ANK3: variants seen among roughly 807,000 people sequenced by gnomAD.
ANK3 encodes ankyrin 3, also known as ankyrin-3.
Under a neutral mutation model 370.9 loss-of-function variants are expected in ANK3, and 57 were observed. That is an observed-to-expected ratio of 0.15 (90% CI 0.12 to 0.19). ANK3 has a LOEUF of 0.19. ANK3 is among the 10% of genes least tolerant of loss of function. ANK3 has a pLI of 1.00. For missense variants in ANK3, 4,439 were observed against 5,302.1 expected, an observed-to-expected ratio of 0.84 and a Z score of 5.06; for synonymous variants, 1,929 against 1,946.3, an observed-to-expected ratio of 0.99 and a Z score of 0.23.
intron 26 of ANK3, among the ~76,000 whole-genome samples, chr10:60,111,945 G>A (rs1407244783): frequency 6.6e-6 from 1 of 152,188 alleles, no homozygotes; most frequent in Admixed American, 6.5e-5. Flanking sequence ...TGCATAAACT[G>A]CAAGGACCTG....
intron 5 of ANK3, among the ~76,000 whole-genome samples, chr10:60,264,475 G>A (rs185199494): frequency 2.5e-4 from 38 of 151,886 alleles, no homozygotes; most frequent in African/African-American, 8.7e-4. Flanking sequence ...GTGAAACCCC[G>A]TCTCTACTAA....
intron 2 of ANK3, among the ~76,000 whole-genome samples, chr10:60,568,966 C>T (rs931423689): frequency 6.6e-6 from 1 of 152,100 alleles, no homozygotes; most frequent in Non-Finnish European, 1.5e-5. Context: ...CTAGGACTAA[C>T]CATGCTGACA....
At chr10:60,479,227 A>G (rs1294306630) in intron 2 of ANK3, among the ~76,000 whole-genome samples, 1 of 152,186 alleles carries the variant, frequency 6.6e-6, no homozygotes, top group Admixed American at 6.5e-5. Context: ...TAAACCACAT[A>G]TATGATGGTG....
intron 42 of ANK3, among the ~76,000 whole-genome samples, chr10:60,046,539 CATACAAGTATGTA>C (rs1306966953): frequency 8.6e-5 from 13 of 152,016 alleles, no homozygotes; most frequent in Non-Finnish European, 1.9e-4. Flanking sequence ...ATAGTGAATA[CATACAAGTATGTA>C]TTCATTGACT....
chr10:60,250,635 G>A (rs558584250), intron 7 of ANK3, among the ~76,000 whole-genome samples: 1 of 152,096 alleles, frequency 6.6e-6, no homozygotes, highest in African/African-American at 2.4e-5. Flanking sequence ...AAAGTTCTGG[G>A]ATTACGGGCA....
chr10:60,045,446 C>T (rs1017868282), intron 42 of ANK3, among the ~76,000 whole-genome samples: 13 of 152,130 alleles, frequency 8.5e-5, no homozygotes, highest in South Asian at 6.2e-4. Context: ...TTGTATAACA[C>T]GACAAACTAC....
intron 2 of ANK3, among the ~76,000 whole-genome samples, chr10:60,558,024 T>C (rs1001645740): frequency 6.6e-6 from 1 of 152,118 alleles, no homozygotes; most frequent in Non-Finnish European, 1.5e-5. Context: ...ATGGTAGAGA[T>C]GTTGAATGGA....
chr10:60,508,078 C>T (rs2133157040), intron 2 of ANK3: 1 of 152,176 alleles, frequency 6.6e-6, no homozygotes, highest in East Asian at 1.9e-4. Context: ...GAATGTTTTA[C>T]TTTGGGTGGG....
At chr10:60,350,985 C>T (rs1214643476) in intron 1 of ANK3, among the ~76,000 whole-genome samples, 4 of 151,994 alleles carry the variant, frequency 2.6e-5, no homozygotes, top group Non-Finnish European at 5.9e-5. Flanking sequence ...TCTCCTAAGC[C>T]GACTTTTATA....
intron 2 of ANK3, among the ~76,000 whole-genome samples, chr10:60,468,893 T>A (rs1459129776): frequency 6.7e-6 from 1 of 148,950 alleles, no homozygotes; most frequent in African/African-American, 2.5e-5. Context: ...TTCTTTGCGG[T>A]CATATACAAA....
chr10:60,117,679 G>A (rs763657184), intron 25 of ANK3, among the ~76,000 whole-genome samples: 19 of 152,058 alleles, frequency 1.2e-4, no homozygotes, highest in Non-Finnish European at 2.1e-4. Flanking sequence ...TTAGCTGGGC[G>A]TGGTGGCACG....
chr10:60,262,409 G>T (rs571573512), intron 6 of ANK3, among the ~76,000 whole-genome samples: 1 of 152,210 alleles, frequency 6.6e-6, no homozygotes, highest in East Asian at 1.9e-4. Flanking sequence ...AGCAGTTTTG[G>T]GGGGAAGACG....
At chr10:60,283,334 T>A (rs923743771) in intron 1 of ANK3, among the ~76,000 whole-genome samples, 2 of 143,670 alleles carry the variant, frequency 1.4e-5, no homozygotes, top group Admixed American at 7.7e-5. Flanking sequence ...CTATAGCTGG[T>A]TTTTTTAACC....
chr10:60,495,506 G>T (rs1287933534), intron 2 of ANK3, among the ~76,000 whole-genome samples: 1 of 152,052 alleles, frequency 6.6e-6, no homozygotes, highest in Non-Finnish European at 1.5e-5. Context: ...ATAATACAGA[G>T]CCCATCATTC....
At chr10:60,082,493 A>C in intron 34 of ANK3, 122 bp downstream of exon 34, 4 of 1,313,848 alleles carry the variant, frequency 3.0e-6, no homozygotes, top group Non-Finnish European at 4.2e-6. Flanking sequence ...CTACACGAGG[A>C]GACTAATACA....
At position 60,049,006 on chromosome 10, in the gene ANK3, AAGAT is replaced by A. The variant is rs570140922; in HGVS notation, c.13066-6251_13066-6248del. 2.4e-3 allele frequency among the ~76,000 whole-genome samples: 367 copies of A among 152,348 alleles called. 3 individuals are homozygous for A. The highest frequency in any genetic ancestry group is 8.3e-3 in the African/African-American group (347 of 41,590). On this transcript the variant is annotated intron_variant, in intron 42 of 43. Coordinates refer to ENST00000280772, the MANE Select transcript of ANK3 (RefSeq NM_020987.5). The stretch of plus-strand genomic sequence containing the variant: ...AGTCCTCAAGCTCTTTTCCATTAGA[AAGAT>A]AGATAGCAACATATGGAGTAAAGAG...
chr10:60,634,024 G>A (rs182573742), intron 1 of ANK3, among the ~76,000 whole-genome samples: 78 of 152,246 alleles, frequency 5.1e-4, no homozygotes, highest in African/African-American at 1.8e-3. Flanking sequence ...CAAAATAAGA[G>A]ACATATCTCA....
At chr10:60,224,908 T>G (rs1361537428) in intron 8 of ANK3, among the ~76,000 whole-genome samples, 1 of 150,442 alleles carries the variant, frequency 6.6e-6, no homozygotes, top group East Asian at 1.9e-4. Flanking sequence ...TTTTTCTTTT[T>G]CTTTCTTTTT....
chr10:60,470,690 C>T (rs1404035146), intron 2 of ANK3, among the ~76,000 whole-genome samples: 2 of 152,032 alleles, frequency 1.3e-5, no homozygotes, highest in Admixed American at 1.3e-4. Flanking sequence ...TACTGCAACC[C>T]TTCCAGAAAA....
Sources: gnomAD v4.1 joint callset for allele counts (sites outside exome capture counted in the v4.1 genomes callset) on GRCh38, gnomAD v4.1.1 for gene constraint, MANE v1.5 for transcripts, NCBI Gene and HGNC (gene_info 2026-07-23, HGNC 2026-07-21) for gene names.